The following RNF213 variants were observed in gnomAD, a reference collection of about 807,000 sequenced individuals.
RNF213 encodes the protein E3 ubiquitin-protein ligase RNF213.
Under a neutral mutation model 514.4 loss-of-function variants are expected in RNF213, and 341 were observed. The ratio of observed to expected loss-of-function variants is 0.66; its 90% CI spans 0.61 to 0.73. The LOEUF (loss-of-function observed/expected upper bound fraction) is 0.73. Among genes scored for constraint, RNF213 ranks in the 30% least tolerant of loss-of-function variants. RNF213 has a pLI of 0.00. For missense variants in RNF213, 5,767 were observed against 6,615.6 expected (o/e 0.87, Z 4.45); for synonymous variants, 2,655 against 2,658.2 (o/e 1.00, Z 0.04).
Position 80,347,830 on chromosome 17 carries a change from C to T in RNF213, c.9495C>T (p.Leu3165=). 6.2e-7 allele frequency: 1 copy of T among 1,614,176 alleles called. No homozygotes were observed. The highest frequency in any genetic ancestry group is 8.5e-7 in the Non-Finnish European group (1 of 1,180,040). The change falls in exon 29 of 68, where the codon CTC becomes CTT. Residue 3165 remains leucine, a synonymous_variant. Coordinates refer to ENST00000582970, the MANE Select transcript of RNF213 (RefSeq NM_001256071.3). The surrounding 1 kb of genome is among the most constrained non-coding windows in gnomAD (Gnocchi z 7.2). ...DVVYKHFPIP[L]INRLEKHYLD... ...TGTACAAACACTTTCCCATCCCCCTCATTAACCGGCTGGAGAAGCACTATC... is the reference window on the plus strand; with the variant it reads ...TGTACAAACACTTTCCCATCCCCCTTATTAACCGGCTGGAGAAGCACTATC...
intron 6 of RNF213, 72 bp from the exon 7 acceptor site, chr17:80,290,498 C>G (rs896427776): frequency 6.5e-7 from 1 of 1,543,886 alleles, no homozygotes; most frequent in African/African-American, 1.4e-5. Context: ...TGTGTGTGTG[C>G]GCGTGTGTGC....
chr17:80,291,539 T>C (rs921109885), intron 7 of RNF213, 89 bp from the exon 8 acceptor site: 23 of 1,313,300 alleles, frequency 1.8e-5, no homozygotes, highest in South Asian at 1.2e-4. Flanking sequence ...CATCAACTTA[T>C]AGCTTTGCAC....
chr17:80,363,534 A>G (rs1599136099), intron 40 of RNF213, 75 bp from the exon 41 acceptor site: 1 of 1,522,552 alleles, frequency 6.6e-7, no homozygotes, highest in Non-Finnish European at 9.1e-7. Context: ...GTATACATGC[A>G]GCTAACAGCC....
At position 80,398,785 on chromosome 17, in the gene RNF213, A is replaced by G. The variant is rs977221343; in HGVS notation, c.*5287A>G. The G allele has an allele frequency of 1.1e-4, 16 of 152,182 alleles. No homozygotes were observed. The highest frequency in any genetic ancestry group is 3.4e-4 in the African/African-American group (14 of 41,440). 9.4% of individuals were successfully genotyped at this position (152,182 alleles called of 1,614,324 possible). A position where few individuals can be genotyped will look rare whatever the true frequency, so the allele number is the denominator to read the frequency against. ...AGAGACAGAAAATCAAGAGGAAAAA[A>G]AGAAAAAAAGAGATATATATACAAG... On this transcript the variant is annotated 3_prime_UTR_variant, in exon 68 of 68. Coordinates refer to ENST00000582970, the MANE Select transcript of RNF213 (RefSeq NM_001256071.3).
chr17:80,316,017 G>C (rs1005756772), intron 15 of RNF213: 3 of 152,020 alleles, frequency 2.0e-5, no homozygotes, highest in Non-Finnish European at 4.4e-5. Flanking sequence ...AGGTGATGGA[G>C]GTGGTGGAGG....
chr17:80,329,236 T>A (rs1380319407), intron 20 of RNF213, among the ~76,000 whole-genome samples: 1 of 152,248 alleles, frequency 6.6e-6, no homozygotes, highest in Non-Finnish European at 1.5e-5. Context: ...ACTGGCTTCC[T>A]GAGAAAAGGG....
intron 63 of RNF213, 180 bp from the exon 64 acceptor site, chr17:80,388,432 G>A: frequency 1.6e-6 from 1 of 639,244 alleles, no homozygotes. Flanking sequence ...TGGATTCCCG[G>A]TTGTGTTACT....
chr17:80,384,990 A>G (rs2080176048), intron 59 of RNF213, 49 bp from the exon 60 acceptor site: 2 of 1,608,260 alleles, frequency 1.2e-6, no homozygotes, highest in Non-Finnish European at 1.7e-6. Flanking sequence ...CCCCAATAAC[A>G]TTTTTTAGGT....
chr17:80,383,926 A>G lies in RNF213; in HGVS notation c.14320A>G (p.Lys4774Glu). Residue 4774 changes from lysine (K) to glutamate (E), a missense_variant and splice_region_variant, in exon 59 of 68, where the codon AAG becomes GAG. Lys to Glu is a moderately conservative substitution (Grantham distance 56). Transcript: ENST00000582970. Reference sequence around the variant, plus strand: ...GCCCATCCTCTGGCATTTCCTGCAGAAGGTATGTCTGGCTTACTGTGGCTC... The same window carrying G: ...GCCCATCCTCTGGCATTTCCTGCAGGAGGTATGTCTGGCTTACTGTGGCTC... ...RVPILWHFLQKEAELRLVKFL... is the reference protein window; with the variant it reads ...RVPILWHFLQEEAELRLVKFL... 2 of 1,614,124 alleles carry G rather than the reference A, an allele frequency of 1.2e-6. No homozygotes were observed. Among genetic ancestry groups the G allele is most frequent in the Non-Finnish European group, 1.7e-6 (2 of 1,180,020 alleles).
intron 3 of RNF213, among the ~76,000 whole-genome samples, chr17:80,276,114 T>G (rs1015830722): frequency 2.0e-5 from 3 of 151,834 alleles, no homozygotes; most frequent in Non-Finnish European, 2.9e-5. Context: ...TATTTATTTA[T>G]TTTTGAGATG....
At chr17:80,330,352 G>C (rs1300786177) in intron 20 of RNF213, among the ~76,000 whole-genome samples, 2 of 152,244 alleles carry the variant, frequency 1.3e-5, no homozygotes, top group African/African-American at 4.8e-5. Flanking sequence ...GCCCTCACAA[G>C]TGGGTTGGCC....
Position 80,371,992 on chromosome 17 carries a change from GAACTCTCTCTTCCCTGA to G in RNF213, c.12537+9_12537+25del. 1 of 1,385,944 alleles carries G rather than the reference GAACTCTCTCTTCCCTGA, an allele frequency of 7.2e-7. No individual in the cohort carries two copies. The highest frequency in any genetic ancestry group is 1.0e-6 in the Non-Finnish European group (1 of 972,022). The allele number at this position is 1,385,944 out of a possible 1,614,324, so 85.9% of individuals were successfully genotyped here. The stretch of plus-strand genomic sequence containing the variant: ...CTTCATCAACTGCCTGGAGGTAAGT[GAACTCTCTCTTCCCTGA>G]ATTTCTTTTGGAAACTATCTGAACC... On this transcript the variant is annotated splice_region_variant and intron_variant, in intron 47 of 67. Transcript: ENST00000582970.
At chr17:80,344,149 G>C in intron 28 of RNF213, 134 bp downstream of exon 28, 1 of 906,912 alleles carries the variant, frequency 1.1e-6, no homozygotes, top group Admixed American at 2.9e-5. Flanking sequence ...TGCAGTGTTA[G>C]TAAAGAAAAG....
chr17:80,363,531 T>C (rs1219778065), intron 40 of RNF213, 78 bp from the exon 41 acceptor site: 2 of 1,510,466 alleles, frequency 1.3e-6, no homozygotes, highest in Non-Finnish European at 1.8e-6. Context: ...CAAGTATACA[T>C]GCAGCTAACA....
chr17:80,358,555 G>A (rs532988998), intron 37 of RNF213, 76 bp downstream of exon 37: 1 of 1,381,584 alleles, frequency 7.2e-7, no homozygotes, highest in African/African-American at 1.4e-5. Flanking sequence ...TCTCCCAAGT[G>A]CTGGGTGAAA....
Position 80,294,721 on chromosome 17 carries a change from C to T in RNF213, c.1473C>T (p.Asp491=). 1 of 1,613,934 alleles carries T rather than the reference C, an allele frequency of 6.2e-7. No individual in the cohort carries two copies. ...FIKSSLLGSG[D]WHQYYDIVYM... Reference sequence around the variant, plus strand: ...TCTTGTTCCTTCTGTCCCTCTTAGACTGGCATCAGTACTATGACATAGTTT... The same window carrying T: ...TCTTGTTCCTTCTGTCCCTCTTAGATTGGCATCAGTACTATGACATAGTTT... Residue 491 remains aspartate, a splice_region_variant and synonymous_variant, in exon 9 of 68, where the codon GAC becomes GAT. Transcript: ENST00000582970.
chr17:80,335,976 CAAA>C (rs11340394), intron 22 of RNF213, among the ~76,000 whole-genome samples, 182 bp from the exon 23 acceptor site: 8 of 118,408 alleles, frequency 6.8e-5, no homozygotes, highest in African/African-American at 9.6e-5. Flanking sequence ...GACTCTGTCT[CAAA>C]AAAAAAAAAA....
At chr17:80,352,387 T>C (rs1172949338) in intron 32 of RNF213, 1 of 280,344 alleles carries the variant, frequency 3.6e-6, no homozygotes, top group Non-Finnish European at 6.7e-6. Context: ...TCACACGGCG[T>C]GGAGACTCCC....
intron 67 of RNF213, 33 bp from the exon 68 acceptor site, chr17:80,393,312 C>G (rs1214404884): frequency 6.2e-7 from 1 of 1,609,248 alleles, no homozygotes; most frequent in South Asian, 1.1e-5. Flanking sequence ...GCTGAGGAGA[C>G]TGTTTTAAAT....
Sources: gnomAD v4.1 joint callset for allele counts (sites outside exome capture counted in the v4.1 genomes callset) on GRCh38, gnomAD v4.1.1 for gene constraint, Gnocchi (gnomAD v3.1) non-coding constraint, MANE v1.5 for transcripts, NCBI Gene and HGNC (gene_info 2026-07-23, HGNC 2026-07-21) for gene names.